Variants in ANKRD30B observed in about 807,000 individuals in gnomAD.
ANKRD30B encodes ankyrin repeat domain-containing protein 30B.
Under a neutral mutation model 202.2 loss-of-function variants are expected in ANKRD30B, and 144 were observed. The ratio of observed to expected loss-of-function variants is 0.71; its 90% CI spans 0.62 to 0.82. ANKRD30B has a LOEUF of 0.82. Ranked by LOEUF, ANKRD30B falls within the 40% of genes least tolerant of loss-of-function variation. The pLI is 0.00. For missense variants in ANKRD30B, 1,487 were observed against 1,669.1 expected (o/e 0.89, Z 1.90); for synonymous variants, 508 against 561.3 (o/e 0.91, Z 1.34).
the ANKRD30B span, among the ~76,000 whole-genome samples, chr18:14,912,347 G>A: frequency 6.6e-6 from 1 of 152,072 alleles, no homozygotes; most frequent in African/African-American, 2.4e-5. Flanking sequence ...GAATTTTATT[G>A]AAGTATTTTT....
chr18:14,855,913 T>G (rs1972091764), downstream of ANKRD30B, among the ~76,000 whole-genome samples: 1 of 149,570 alleles, frequency 6.7e-6, no homozygotes, highest in African/African-American at 2.5e-5. Flanking sequence ...GCAGAGGCGC[T>G]CCTCACCTCC....
downstream of ANKRD30B, among the ~76,000 whole-genome samples, chr18:14,854,922 A>G (rs1972037665): frequency 6.6e-6 from 1 of 150,700 alleles, no homozygotes; most frequent in African/African-American, 2.4e-5. Context: ...TTTTATTATT[A>G]TTTATTGATC....
intron 7 of ANKRD30B, among the ~76,000 whole-genome samples, chr18:14,766,593 A>G (rs1916264443): frequency 6.6e-6 from 1 of 152,050 alleles, no homozygotes; most frequent in Non-Finnish European, 1.5e-5. Context: ...ATTGAGTTCA[A>G]TGAAACATTC....
chr18:14,892,399 T>C, the ANKRD30B span, among the ~76,000 whole-genome samples: 1 of 152,190 alleles, frequency 6.6e-6, no homozygotes, highest in Non-Finnish European at 1.5e-5. Context: ...AACATTTTCC[T>C]CTATCCCCTG....
At chr18:14,770,883 C>A (rs1226077295) in intron 8 of ANKRD30B, among the ~76,000 whole-genome samples, 1 of 151,862 alleles carries the variant, frequency 6.6e-6, no homozygotes, top group African/African-American at 2.4e-5. Context: ...TCTGTTCTTT[C>A]ACCCCAAATC....
intron 1 of ANKRD30B, among the ~76,000 whole-genome samples, chr18:14,750,251 CT>C (rs1913217383): frequency 6.6e-6 from 1 of 152,148 alleles, no homozygotes; most frequent in Non-Finnish European, 1.5e-5. Context: ...AGAAAACCCT[CT>C]AATTTAAAAT....
chr18:14,883,358 T>C, the ANKRD30B span, among the ~76,000 whole-genome samples: 1,126 of 90,828 alleles, frequency 0.012, 16 homozygotes, highest in African/African-American at 0.043. Context: ...TTTCTCTCTC[T>C]CTGTCTGTCT....
chr18:14,760,239 G>GA (rs1915044446), intron 5 of ANKRD30B, among the ~76,000 whole-genome samples: 1 of 152,124 alleles, frequency 6.6e-6, no homozygotes, highest in Non-Finnish European at 1.5e-5. Flanking sequence ...ACTTGTTCAA[G>GA]AAAAAATACC....
At chr18:14,838,524 T>C (rs2487166) in intron 36 of ANKRD30B, among the ~76,000 whole-genome samples, 1 of 152,354 alleles carries the variant, frequency 6.6e-6, no homozygotes, top group East Asian at 1.9e-4. Context: ...CATTTTTTTT[T>C]CACAAATAGA....
At chr18:14,793,578 C>T (rs959186829) in intron 16 of ANKRD30B, among the ~76,000 whole-genome samples, 3 of 151,722 alleles carry the variant, frequency 2.0e-5, no homozygotes, top group Admixed American at 6.6e-5. Flanking sequence ...TTTTGTTCAG[C>T]GATTAGCTTG....
the ANKRD30B span, among the ~76,000 whole-genome samples, chr18:14,886,867 C>G: frequency 1.3e-5 from 2 of 152,074 alleles, no homozygotes; most frequent in Non-Finnish European, 2.9e-5. Flanking sequence ...GGTGATAGTT[C>G]AGAATACCAT....
chr18:14,815,352 G>A (rs34350627), intron 30 of ANKRD30B, among the ~76,000 whole-genome samples: 5 of 149,994 alleles, frequency 3.3e-5, no homozygotes, highest in Non-Finnish European at 7.4e-5. Context: ...TTAGAAAACC[G>A]TCTGAAAACC....
intron 3 of ANKRD30B, among the ~76,000 whole-genome samples, chr18:14,753,691 T>C (rs1409947872): frequency 1.3e-5 from 2 of 152,160 alleles, no homozygotes; most frequent in Non-Finnish European, 2.9e-5. Context: ...AAACAATGAT[T>C]TTTCTGTATA....
chr18:14,836,562 T>C (rs1458471751), intron 34 of ANKRD30B, among the ~76,000 whole-genome samples: 1 of 152,248 alleles, frequency 6.6e-6, no homozygotes, highest in Non-Finnish European at 1.5e-5. Flanking sequence ...TGTTCATCTT[T>C]ACATCACTGG....
At position 14,774,124 on chromosome 18, in the gene ANKRD30B, C is replaced by A. The variant is rs1429946873; in HGVS notation, c.1329+1896C>A. On this transcript the variant is annotated intron_variant, in intron 9 of 43. Coordinates refer to ENST00000690538, the MANE Select transcript of ANKRD30B (RefSeq NM_001367607.2). ...GGTATTGGCTGAAGACCATGTTTAACTAATTGAATGTCTTATTATATAATA... is the reference window on the plus strand; with the variant it reads ...GGTATTGGCTGAAGACCATGTTTAAATAATTGAATGTCTTATTATATAATA... 4.6e-5 allele frequency among the ~76,000 whole-genome samples: 7 copies of A among 152,090 alleles called. No individual in the cohort carries two copies. In the East Asian group the frequency reaches 1.4e-3, roughly 29 times the overall value.
At chr18:14,938,707 G>A in the ANKRD30B span, among the ~76,000 whole-genome samples, 1 of 152,156 alleles carries the variant, frequency 6.6e-6, no homozygotes, top group Admixed American at 6.5e-5. Context: ...GGGGAGTCGG[G>A]CTAAAGGGCA....
At chr18:14,751,818 G>A (rs1012272918) in intron 1 of ANKRD30B, among the ~76,000 whole-genome samples, 2 of 152,010 alleles carry the variant, frequency 1.3e-5, no homozygotes, top group Non-Finnish European at 2.9e-5. Flanking sequence ...TTCTTTCAGT[G>A]TTAATCCTGT....
chr18:14,878,989 G>A, the ANKRD30B span, among the ~76,000 whole-genome samples: 1 of 152,200 alleles, frequency 6.6e-6, no homozygotes, highest in Non-Finnish European at 1.5e-5. Context: ...AGGCAGAGCA[G>A]TGTTCTCCTC....
chr18:14,761,314 T>C (rs2143710379), intron 6 of ANKRD30B, among the ~76,000 whole-genome samples: 1 of 152,244 alleles, frequency 6.6e-6, no homozygotes, highest in South Asian at 2.1e-4. Context: ...GAAGGTGCTG[T>C]AAGGAGTCAG....
Sources: allele counts gnomAD v4.1 joint callset (sites outside exome capture counted in the v4.1 genomes callset), GRCh38; gene constraint gnomAD v4.1.1; transcripts MANE v1.5; gene names NCBI Gene and HGNC (gene_info 2026-07-23, HGNC 2026-07-21).